The following CTNND2 variants were observed in gnomAD, a reference collection of about 807,000 sequenced individuals.
CTNND2 encodes catenin delta-2.
A neutral mutation model predicts 144.4 loss-of-function variants in CTNND2; 22 were observed. That is an observed-to-expected ratio of 0.15 (90% CI 0.11 to 0.22). The LOEUF (loss-of-function observed/expected upper bound fraction) is 0.22, where lower values mean the gene tolerates loss of function less well. Among genes scored for constraint, CTNND2 ranks in the 10% least tolerant of loss-of-function variants. CTNND2 has a pLI of 1.00. For synonymous variants in CTNND2, 751 were observed against 695.6 expected, an observed-to-expected ratio of 1.08 and a Z score of -1.25; for missense variants, 1,353 against 1,618.8, an observed-to-expected ratio of 0.84 and a Z score of 2.82.
intron 15 of CTNND2, among the ~76,000 whole-genome samples, chr5:11,089,628 G>C (rs1750553646): frequency 6.6e-6 from 1 of 152,122 alleles, no homozygotes; most frequent in Non-Finnish European, 1.5e-5. Flanking sequence ...GCACAGAGGG[G>C]AACTATGCAA....
At chr5:11,867,474 C>T (rs963756377) in intron 1 of CTNND2, among the ~76,000 whole-genome samples, 2 of 152,314 alleles carry the variant, frequency 1.3e-5, no homozygotes, top group East Asian at 3.9e-4. Context: ...ATGGAGATGT[C>T]AGTTCTGTTT....
chr5:11,558,378 GTGTGAC>G (rs879684506), intron 3 of CTNND2, among the ~76,000 whole-genome samples: 2,428 of 46,692 alleles, frequency 0.052, 26 homozygotes, highest in Non-Finnish European at 0.07. Context: ...GTGTGTGTGT[GTGTGAC>G]ACACAAGGTC....
intron 1 of CTNND2, among the ~76,000 whole-genome samples, chr5:11,875,038 G>T (rs1480690082): frequency 1.3e-5 from 2 of 152,140 alleles, no homozygotes; most frequent in Non-Finnish European, 2.9e-5. Context: ...AAACAAAGAA[G>T]AATTCTGACC....
chr5:11,140,651 C>A (rs1756634116), intron 12 of CTNND2, among the ~76,000 whole-genome samples: 1 of 152,136 alleles, frequency 6.6e-6, no homozygotes, highest in African/African-American at 2.4e-5. Flanking sequence ...AGCCCATTCA[C>A]CCCCAGCTAC....
chr5:11,374,498 G>T (rs1389620653), intron 7 of CTNND2, among the ~76,000 whole-genome samples: 1 of 152,104 alleles, frequency 6.6e-6, no homozygotes, highest in African/African-American at 2.4e-5. Context: ...TGTTTGTCCT[G>T]ATTAACTACA....
chr5:11,263,529 G>A (rs1002249170), intron 9 of CTNND2, among the ~76,000 whole-genome samples: 2 of 152,132 alleles, frequency 1.3e-5, no homozygotes, highest in African/African-American at 2.4e-5. Context: ...GAGTGTGTGT[G>A]TGTGAGGTGG....
intron 9 of CTNND2, among the ~76,000 whole-genome samples, chr5:11,315,381 T>G (rs1412255330): frequency 6.6e-6 from 1 of 152,220 alleles, no homozygotes; most frequent in African/African-American, 2.4e-5. Flanking sequence ...GTATAAACAA[T>G]TCTGTACTGT....
At chr5:11,837,870 T>C (rs1364171303) in intron 1 of CTNND2, among the ~76,000 whole-genome samples, 2 of 152,220 alleles carry the variant, frequency 1.3e-5, no homozygotes, top group African/African-American at 4.8e-5. Flanking sequence ...AGGTCATTTT[T>C]GGAGAAGAAA....
At chr5:11,103,074 T>C (rs1258408337) in intron 14 of CTNND2, among the ~76,000 whole-genome samples, 2 of 143,412 alleles carry the variant, frequency 1.4e-5, no homozygotes, top group Non-Finnish European at 3.0e-5. Context: ...CTCTGCCTCC[T>C]GGGTTGGAGC....
At chr5:11,770,407 AAAAGGAAAGAAGGAAG>A (rs1381627059) in intron 1 of CTNND2, among the ~76,000 whole-genome samples, 3 of 117,374 alleles carry the variant, frequency 2.6e-5, no homozygotes, top group Admixed American at 9.1e-5. Flanking sequence ...AAAACAGAAA[AAAAGGAAAGAAGGAAG>A]GAAGGAAGGA....
chr5:11,303,853 T>C (rs1749864294), intron 9 of CTNND2, among the ~76,000 whole-genome samples: 1 of 152,184 alleles, frequency 6.6e-6, no homozygotes. Flanking sequence ...GTAGCTCCCA[T>C]AATTCCCACA....
chr5:11,404,808 C>T (rs1028852956), intron 5 of CTNND2, among the ~76,000 whole-genome samples: 3 of 151,814 alleles, frequency 2.0e-5, no homozygotes, highest in South Asian at 2.1e-4. Flanking sequence ...TGGGGTTTCA[C>T]CATGTTGGTC....
chr5:11,492,197 G>A (rs1769458367), intron 3 of CTNND2, among the ~76,000 whole-genome samples: 1 of 152,102 alleles, frequency 6.6e-6, no homozygotes, highest in Admixed American at 6.6e-5. Context: ...CTACCACATG[G>A]GGCAGGTAAA....
chr5:11,313,198 A>G (rs1197455672), intron 9 of CTNND2, among the ~76,000 whole-genome samples: 2 of 152,188 alleles, frequency 1.3e-5, no homozygotes, highest in African/African-American at 4.8e-5. Flanking sequence ...CTCCGTCACA[A>G]GAAGAGTTGT....
rs754956820 is a variant in CTNND2 at position 10,988,161 on chromosome 5, G to A, written c.3293C>T (p.Thr1098Ile). ...TDYECTGSNA[T>I]YHGAKGEHTS... The stretch of plus-strand genomic sequence containing the variant: ...GTGTTCGCCTTTAGCTCCGTGGTAG[G>A]TGGCGTTGCTGCCGGTGCACTCGTA... Residue 1098 changes from threonine to isoleucine, a missense_variant, in exon 20 of 22, where the codon ACC (threonine) becomes ATC (isoleucine). Around this residue, in one of 4 missense-constraint regions of CTNND2, gnomAD observed 459 missense variants for 674.3 expected, o/e 0.68. Coordinates refer to ENST00000304623, the MANE Select transcript of CTNND2 (RefSeq NM_001332.4). This position sits in a 1 kb window ranked among gnomAD's most constrained non-coding sequence, Gnocchi z 5.9. The A allele has an allele frequency of 1.2e-6, 2 of 1,614,246 alleles. No homozygotes were observed. The highest frequency in any genetic ancestry group is 1.3e-5 in the African/African-American group (1 of 75,074).
At chr5:11,894,707 A>G (rs1737259599) in intron 1 of CTNND2, among the ~76,000 whole-genome samples, 1 of 152,212 alleles carries the variant, frequency 6.6e-6, no homozygotes, top group African/African-American at 2.4e-5. Context: ...TTTTATCCCA[A>G]GGAACAAATG....
intron 3 of CTNND2, among the ~76,000 whole-genome samples, chr5:11,463,845 C>T (rs1354465815): frequency 6.8e-6 from 1 of 147,392 alleles, no homozygotes; most frequent in East Asian, 2.0e-4. Context: ...CTGAGGAAAG[C>T]GTCCCTTACA....
chr5:11,861,473 C>G (rs1327907131), intron 1 of CTNND2, among the ~76,000 whole-genome samples: 1 of 152,196 alleles, frequency 6.6e-6, no homozygotes, highest in Non-Finnish European at 1.5e-5. Context: ...TCCATCCAAT[C>G]TGTCAGCAAA....
intron 1 of CTNND2, among the ~76,000 whole-genome samples, chr5:11,824,924 T>A (rs1044563900): frequency 1.3e-5 from 2 of 152,134 alleles, no homozygotes; most frequent in Admixed American, 1.3e-4. Flanking sequence ...TCAGAGTGCA[T>A]CACTGTACAC....
Sources: allele counts gnomAD v4.1 joint callset (sites outside exome capture counted in the v4.1 genomes callset), GRCh38; gene constraint gnomAD v4.1.1; regional missense constraint gnomAD v4.1.1; non-coding constraint Gnocchi (gnomAD v3.1); transcripts MANE v1.5; gene names NCBI Gene and HGNC (gene_info 2026-07-23, HGNC 2026-07-21).